The following AKR1D1 variants were observed in gnomAD, a reference collection of about 807,000 sequenced individuals.
AKR1D1 encodes delta(4)-3-ketosteroid 5-beta-reductase.
AKR1D1 carries 32 observed loss-of-function variants against 42.6 expected under a neutral mutation model. That is an observed-to-expected ratio of 0.75 (90% confidence interval 0.57 to 1.01). The LOEUF (loss-of-function observed/expected upper bound fraction) is 1.01, where lower values mean the gene tolerates loss of function less well. Ranked by LOEUF, AKR1D1 falls within the 50% of genes least tolerant of loss-of-function variation. AKR1D1 has a pLI of 0.00. For missense variants in AKR1D1, 364 were observed against 402.2 expected (o/e 0.91, Z 0.81); for synonymous variants, 123 against 135.5 (o/e 0.91, Z 0.64).
At chr7:138,098,636 GA>G (rs1321688320) in intron 4 of AKR1D1, among the ~76,000 whole-genome samples, 4 of 152,172 alleles carry the variant, frequency 2.6e-5, no homozygotes, top group African/African-American at 9.6e-5. Flanking sequence ...ACAAAAACCT[GA>G]AAAGCAATTC....
intron 2 of AKR1D1, 146 bp downstream of exon 2, chr7:138,088,914 G>A: frequency 1.1e-6 from 1 of 932,180 alleles, no homozygotes; most frequent in Non-Finnish European, 1.6e-6. Flanking sequence ...TTGTTTGTTT[G>A]TTTGTTTGAA....
Position 138,088,671 on chromosome 7 carries a change from C to T in AKR1D1, c.164C>T (p.Ala55Val). 6.2e-7 allele frequency: 1 copy of T among 1,614,008 alleles called. No individual in the cohort carries two copies. Among genetic ancestry groups the T allele is most frequent in the Non-Finnish European group, 8.5e-7 (1 of 1,179,986 alleles). The change falls in exon 2 of 9, where the codon GCC becomes GTC. Residue 55 changes from alanine (A) to valine (V), a missense_variant. Coordinates refer to ENST00000242375, the MANE Select transcript of AKR1D1 (RefSeq NM_005989.4). ...IDTGYRHIDGAYIYQNEHEVG... is the reference protein window; with the variant it reads ...IDTGYRHIDGVYIYQNEHEVG... ...ACAGGGTACCGACATATTGATGGGG[C>T]CTACATCTACCAAAATGAACACGAA...
chr7:138,109,771 G>T (rs1259279926), intron 7 of AKR1D1, among the ~76,000 whole-genome samples: 1 of 152,184 alleles, frequency 6.6e-6, no homozygotes, highest in Non-Finnish European at 1.5e-5. Flanking sequence ...CTAATGTGTA[G>T]GCTCATTGAA....
In AKR1D1 at chr7:138,118,151, G is replaced by A. The variant is rs953344214; in HGVS notation, c.*1489G>A. On this transcript the variant is annotated 3_prime_UTR_variant, in exon 9 of 9. Transcript: ENST00000242375. ...CAGTTGCTTATAGATAATGTTCAAT[G>A]ACCTCAAGACATATATTTTTGAGAA... 2.0e-5 allele frequency among the ~76,000 whole-genome samples: 3 copies of A among 152,144 alleles called. No homozygotes were observed. Among genetic ancestry groups the A allele is most frequent in the African/African-American group, 7.2e-5 (3 of 41,434 alleles).
chr7:138,113,944 C>T (rs1415067790), intron 8 of AKR1D1, among the ~76,000 whole-genome samples, 172 bp downstream of exon 8: 1 of 152,098 alleles, frequency 6.6e-6, no homozygotes, highest in Non-Finnish European at 1.5e-5. Flanking sequence ...ACTACAGGGC[C>T]TTCCACAACC....
intron 1 of AKR1D1, among the ~76,000 whole-genome samples, chr7:138,085,366 C>T (rs550349191): frequency 1.3e-5 from 2 of 151,886 alleles, no homozygotes; most frequent in African/African-American, 4.8e-5. Flanking sequence ...GAGTCATCAT[C>T]CAAATATACA....
At chr7:138,080,165 C>G (rs1027976100) in intron 1 of AKR1D1, among the ~76,000 whole-genome samples, 1 of 152,206 alleles carries the variant, frequency 6.6e-6, no homozygotes, top group Non-Finnish European at 1.5e-5. Context: ...CTTCTTAATG[C>G]TTTTCCTAGT....
At chr7:138,103,538 A>C (rs1434908050) in intron 4 of AKR1D1, among the ~76,000 whole-genome samples, 1 of 152,110 alleles carries the variant, frequency 6.6e-6, no homozygotes, top group African/African-American at 2.4e-5. Context: ...GGTTGCAATA[A>C]ATGTAGATAA....
chr7:138,100,647 C>G (rs1478630321), intron 4 of AKR1D1, among the ~76,000 whole-genome samples: 2 of 147,292 alleles, frequency 1.4e-5, no homozygotes, highest in Non-Finnish European at 3.0e-5. Flanking sequence ...GAAGCATCAT[C>G]TAAGAGAACC....
Position 138,093,650 on chromosome 7 carries a change from G to A in AKR1D1, c.378+1766G>A, listed in dbSNP as rs1337691886. Among the ~76,000 whole-genome samples, 3 of 152,000 alleles carry A rather than the reference G, an allele frequency of 2.0e-5. No individual in the cohort carries two copies. The East Asian group carries it at 5.8e-4, about 29-fold the overall frequency. Reference sequence around the variant, plus strand: ...GGAATCCCTCCTGAAAGACCTGCCTGGCGTTTTTTTACACTTAACATTTTT... The same window carrying A: ...GGAATCCCTCCTGAAAGACCTGCCTAGCGTTTTTTTACACTTAACATTTTT... On this transcript the variant is annotated intron_variant, in intron 3 of 8. Coordinates refer to ENST00000242375, the MANE Select transcript of AKR1D1 (RefSeq NM_005989.4).
intron 3 of AKR1D1, among the ~76,000 whole-genome samples, chr7:138,092,928 TA>T (rs1202658348): frequency 1.3e-5 from 2 of 152,172 alleles, no homozygotes; most frequent in Non-Finnish European, 2.9e-5. Flanking sequence ...ACACTTAGGG[TA>T]CACAATGAAT....
Position 138,088,041 on chromosome 7 carries a change from C to T in AKR1D1, c.94-560C>T, listed in dbSNP as rs185388884. On this transcript the variant is annotated intron_variant, in intron 1 of 8. Coordinates refer to ENST00000242375, the MANE Select transcript of AKR1D1 (RefSeq NM_005989.4). ...AAGTAACTGGGACCACAGGCGCATG[C>T]CACCACATCCAGCTAATTACTTTAC... Among the ~76,000 whole-genome samples the T allele has an allele frequency of 5.9e-5, 9 of 152,162 alleles. No individual in the cohort carries two copies. In the East Asian group the frequency reaches 1.5e-3, roughly 26 times the overall value.
Position 138,116,685 on chromosome 7 carries a change from T to C in AKR1D1, c.*23T>C, listed in dbSNP as rs1207009822. The stretch of plus-strand genomic sequence containing the variant: ...TGACTGCAGGGAGTTCCTGAACAGA[T>C]TTTTCACTCCCACGAGTGCCAAGAC... On this transcript the variant is annotated 3_prime_UTR_variant, in exon 9 of 9. Transcript: ENST00000242375. The C allele has an allele frequency of 6.2e-7, 1 of 1,612,868 alleles. No homozygotes were observed. The highest frequency in any genetic ancestry group is 8.5e-7 in the Non-Finnish European group (1 of 1,179,016).
chr7:138,105,103 G>A (rs1794393711), intron 4 of AKR1D1, among the ~76,000 whole-genome samples: 1 of 151,860 alleles, frequency 6.6e-6, no homozygotes, highest in Non-Finnish European at 1.5e-5. Flanking sequence ...AATACAAGGG[G>A]AAGATATGGC....
At chr7:138,081,651 C>CCTTA (rs1803061242) in intron 1 of AKR1D1, among the ~76,000 whole-genome samples, 1 of 151,394 alleles carries the variant, frequency 6.6e-6, no homozygotes, top group Non-Finnish European at 1.5e-5. Flanking sequence ...GCCTCAGCCT[C>CCTTA]CTGAGTAGCT....
chr7:138,086,517 G>T (rs1803182638), intron 1 of AKR1D1, among the ~76,000 whole-genome samples: 1 of 152,094 alleles, frequency 6.6e-6, no homozygotes, highest in African/African-American at 2.4e-5. Context: ...TAGCCAGTTT[G>T]TTCATTTTTC....
intron 1 of AKR1D1, among the ~76,000 whole-genome samples, chr7:138,084,812 C>G (rs1217485553): frequency 6.6e-6 from 1 of 152,046 alleles, no homozygotes; most frequent in African/African-American, 2.4e-5. Flanking sequence ...AATCCCAACA[C>G]TTTGGGAGGC....
intron 1 of AKR1D1, among the ~76,000 whole-genome samples, chr7:138,087,180 A>AC (rs927356529): frequency 2.5e-4 from 38 of 152,186 alleles, no homozygotes; most frequent in African/African-American, 9.2e-4. Context: ...CCAAGGGTGT[A>AC]CCTTGATTGC....
In AKR1D1 at chr7:138,076,480, G is replaced by C. The variant is rs900247975; in HGVS notation, c.-39G>C. The C allele has an allele frequency of 1.3e-6, 2 of 1,546,456 alleles. No individual in the cohort carries two copies. The highest frequency in any genetic ancestry group is 1.8e-6 in the Non-Finnish European group (2 of 1,119,134). On this transcript the variant is annotated 5_prime_UTR_variant, in exon 1 of 9. Coordinates refer to ENST00000242375, the MANE Select transcript of AKR1D1 (RefSeq NM_005989.4). ...GGACACCTTTCTAAAAAGACTCCCT[G>C]TGGTGTTCAGAATCACTCCTACAGT...
Sources: allele counts gnomAD v4.1 joint callset (sites outside exome capture counted in the v4.1 genomes callset), GRCh38; gene constraint gnomAD v4.1.1; transcripts MANE v1.5; gene names NCBI Gene and HGNC (gene_info 2026-07-23, HGNC 2026-07-21).